The following YIPF5 variants were observed in gnomAD, a reference collection of about 807,000 sequenced individuals.
The protein encoded by YIPF5 is Yip1 domain family member 5, also known as protein YIPF5.
Under a neutral mutation model 30.4 loss-of-function variants are expected in YIPF5, and 8 were observed. That is an observed-to-expected ratio of 0.26 (90% CI 0.15 to 0.47). The LOEUF is 0.47. YIPF5 is among the 20% of genes least tolerant of loss of function. YIPF5 has a pLI of 0.99. For synonymous variants in YIPF5, 104 were observed against 107.9 expected, an observed-to-expected ratio of 0.96 and a Z score of 0.23; for missense variants, 282 against 301.8, an observed-to-expected ratio of 0.93 and a Z score of 0.49.
chr5:144,160,146 C>T lies in YIPF5; in HGVS notation c.*251G>A, dbSNP rs1477124561. On this transcript the variant is annotated 3_prime_UTR_variant, in exon 6 of 6. Coordinates refer to ENST00000274496, the MANE Select transcript of YIPF5 (RefSeq NM_030799.9). ...AAAGGTTTTTCAATGGCTGCAGGAA[C>T]CAGAAAGAAATAGCATTTCTTATCT... 3 of 1,173,866 alleles carry T rather than the reference C, an allele frequency of 2.6e-6. No individual in the cohort carries two copies. Among genetic ancestry groups the T allele is most frequent in the Admixed American group, 4.5e-5 (1 of 22,324 alleles). 72.7% of individuals were successfully genotyped at this position (1,173,866 alleles called of 1,614,324 possible).
At position 144,160,475 on chromosome 5, in the gene YIPF5, G is replaced by A. The variant is rs1752002393; in HGVS notation, c.696C>T (p.Ala232=). 2 of 1,613,980 alleles carry A rather than the reference G, an allele frequency of 1.2e-6. No individual in the cohort carries two copies. Among genetic ancestry groups the A allele is most frequent in the Admixed American group, 1.7e-5 (1 of 60,014 alleles). ...SASKIFISAL[A]MEGQQLLVAY... ...CTACTAAAAGTTGCTGTCCTTCCAT[G>A]GCTAATGCAGAAATAAATATTTTGG... Residue 232 remains alanine (A), a synonymous_variant, in exon 6 of 6, where the codon GCC becomes GCT. Transcript: ENST00000274496.
Position 144,162,348 on chromosome 5 carries a change from G to C in YIPF5, c.481C>G (p.Leu161Val), listed in dbSNP as rs1391145914. The C allele has an allele frequency of 6.2e-7, 1 of 1,613,994 alleles. No individual in the cohort carries two copies. The highest frequency in any genetic ancestry group is 8.5e-7 in the Non-Finnish European group (1 of 1,179,954). ...AAGTTTAATAAACAAAACATTCCTA[G>C]ACATCCAATTGCACTGATCCCGTAT... Reference protein sequence around the residue: ...YVYGISAIGCLGMFCLLNLMS... With the variant: ...YVYGISAIGCVGMFCLLNLMS... Residue 161 changes from leucine to valine, a missense_variant, in exon 5 of 6, where the codon CTA becomes GTA. Physicochemically the swap from Leu to Val is conservative, Grantham distance 32. Coordinates refer to ENST00000274496, the MANE Select transcript of YIPF5 (RefSeq NM_030799.9).
rs917334705 is a variant in YIPF5 at position 144,169,303 on chromosome 5, A to G, written c.110+543T>C. 3.3e-5 allele frequency among the ~76,000 whole-genome samples: 5 copies of G among 152,228 alleles called. No homozygotes were observed. The South Asian group carries it at 6.2e-4, about 19-fold the overall frequency. The stretch of plus-strand genomic sequence containing the variant: ...AGTCAACCTCCTCAGTATGCAACTT[A>G]TAACACGTGTGGCACTGACCATAAG... On this transcript the variant is annotated intron_variant, in intron 2 of 5. Coordinates refer to ENST00000274496, the MANE Select transcript of YIPF5 (RefSeq NM_030799.9).
In YIPF5 at chr5:144,159,311, T is replaced by G. The variant is rs1000501102; in HGVS notation, c.*1086A>C. ...TTTTAATAAGCATTCAAATGTACTTTACATTGATAATTGCAATATTGAATT... is the reference window on the plus strand; with the variant it reads ...TTTTAATAAGCATTCAAATGTACTTGACATTGATAATTGCAATATTGAATT... On this transcript the variant is annotated 3_prime_UTR_variant, in exon 6 of 6. Transcript: ENST00000274496. 1.0e-6 allele frequency: 1 copy of G among 973,802 alleles called. No homozygotes were observed. Among genetic ancestry groups the G allele is most frequent in the Non-Finnish European group, 1.2e-6 (1 of 819,486 alleles). 60.3% of individuals were successfully genotyped at this position (973,802 alleles called of 1,614,324 possible). A position where few individuals can be genotyped will look rare whatever the true frequency, so the allele number is the denominator to read the frequency against.
chr5:144,161,502 A>T (rs1752045175), intron 5 of YIPF5, among the ~76,000 whole-genome samples: 2 of 151,724 alleles, frequency 1.3e-5, no homozygotes, highest in Admixed American at 1.3e-4. Flanking sequence ...ATGTGCTACC[A>T]TGCCCGGCTA....
In YIPF5 at chr5:144,158,740, A is replaced by C; in HGVS notation, c.*1657T>G. Reference sequence around the variant, plus strand: ...TTTGGTAAGTTTGAAAACCTAGCCCAAAACAAATTAATGACAAGTGGGTTT... The same window carrying C: ...TTTGGTAAGTTTGAAAACCTAGCCCCAAACAAATTAATGACAAGTGGGTTT... On this transcript the variant is annotated 3_prime_UTR_variant, in exon 6 of 6. Coordinates refer to ENST00000274496, the MANE Select transcript of YIPF5 (RefSeq NM_030799.9). 2 of 1,002,270 alleles carry C rather than the reference A, an allele frequency of 2.0e-6. No homozygotes were observed. Among genetic ancestry groups the C allele is most frequent in the Non-Finnish European group, 2.4e-6 (2 of 841,478 alleles). The allele number at this position is 1,002,270 out of a possible 1,614,324, so 62.1% of individuals were successfully genotyped here.
In YIPF5 at chr5:144,169,835, T is replaced by C; in HGVS notation, c.110+11A>G. On this transcript the variant is annotated intron_variant, in intron 2 of 5. Coordinates refer to ENST00000274496, the MANE Select transcript of YIPF5 (RefSeq NM_030799.9). ...TGTAGACTAAATTAATTGCCAAAGA[T>C]GAAAAGTTACTTGCTATAGGGTCCT... is the stretch of plus-strand genomic sequence containing the variant. 1 of 1,608,256 alleles carries C rather than the reference T, an allele frequency of 6.2e-7. No individual in the cohort carries two copies. The highest frequency in any genetic ancestry group is 8.5e-7 in the Non-Finnish European group (1 of 1,175,268).
intron 5 of YIPF5, among the ~76,000 whole-genome samples, chr5:144,161,087 T>C (rs564942121): frequency 1.3e-5 from 2 of 152,250 alleles, no homozygotes; most frequent in African/African-American, 4.8e-5. Context: ...ACACTGAAAA[T>C]ATGAAATATT....
Position 144,160,315 on chromosome 5 carries a change from C to A in YIPF5, c.*82G>T, listed in dbSNP as rs1751997742. The A allele has an allele frequency of 1.3e-6, 2 of 1,535,722 alleles. No individual in the cohort carries two copies. The highest frequency in any genetic ancestry group is 2.0e-5 in the Admixed American group (1 of 48,962). Reference sequence around the variant, plus strand: ...GTAAATCTGCATGAGAGTTGCGCTGCAGCAGTTTGCTGGTCCAATTTAAGA... The same window carrying A: ...GTAAATCTGCATGAGAGTTGCGCTGAAGCAGTTTGCTGGTCCAATTTAAGA... On this transcript the variant is annotated 3_prime_UTR_variant, in exon 6 of 6. Transcript: ENST00000274496.
Position 144,158,723 on chromosome 5 carries a change from G to A in YIPF5, c.*1674C>T. On this transcript the variant is annotated 3_prime_UTR_variant, in exon 6 of 6. Coordinates refer to ENST00000274496, the MANE Select transcript of YIPF5 (RefSeq NM_030799.9). The stretch of plus-strand genomic sequence containing the variant: ...TTGCTTTTTTAAAGCAATTTGGTAA[G>A]TTTGAAAACCTAGCCCAAAACAAAT... 1 of 1,012,868 alleles carries A rather than the reference G, an allele frequency of 9.9e-7. No individual in the cohort carries two copies. The highest frequency in any genetic ancestry group is 3.9e-5 in the South Asian group (1 of 25,404). 62.7% of individuals were successfully genotyped at this position (1,012,868 alleles called of 1,614,324 possible). A position where few individuals can be genotyped will look rare whatever the true frequency, so the allele number is the denominator to read the frequency against.
chr5:144,167,319 T>TA (rs1752229564), intron 2 of YIPF5, among the ~76,000 whole-genome samples: 1 of 152,150 alleles, frequency 6.6e-6, no homozygotes, highest in Non-Finnish European at 1.5e-5. Flanking sequence ...TAAAACATGG[T>TA]ATGGCAGACA....
intron 5 of YIPF5, among the ~76,000 whole-genome samples, chr5:144,161,674 T>G (rs1045903548): frequency 6.6e-6 from 1 of 152,132 alleles, no homozygotes; most frequent in African/African-American, 2.4e-5. Context: ...TAACCTAAAA[T>G]ATCATTTAAA....
Position 144,159,171 on chromosome 5 carries a change from T to C in YIPF5, c.*1226A>G. On this transcript the variant is annotated 3_prime_UTR_variant, in exon 6 of 6. Coordinates refer to ENST00000274496, the MANE Select transcript of YIPF5 (RefSeq NM_030799.9). Reference sequence around the variant, plus strand: ...GTCTGATTCTATATTAGCTGATTTCTATTCTTAAAGCTTAAATTAGGGGTC... The same window carrying C: ...GTCTGATTCTATATTAGCTGATTTCCATTCTTAAAGCTTAAATTAGGGGTC... 2 of 985,234 alleles carry C rather than the reference T, an allele frequency of 2.0e-6. No homozygotes were observed. Among genetic ancestry groups the C allele is most frequent in the Non-Finnish European group, 2.4e-6 (2 of 829,724 alleles). The allele number at this position is 985,234 out of a possible 1,614,324, so 61.0% of individuals were successfully genotyped here.
intron 5 of YIPF5, among the ~76,000 whole-genome samples, chr5:144,161,631 C>G (rs1752049829): frequency 6.6e-6 from 1 of 152,182 alleles, no homozygotes; most frequent in African/African-American, 2.4e-5. Context: ...CAGGCGTGAG[C>G]AACCGTGCCT....
chr5:144,170,235 G>T (rs1217910917), intron 1 of YIPF5: 3 of 428,192 alleles, frequency 7.0e-6, no homozygotes, highest in South Asian at 2.5e-5. Flanking sequence ...GGGAGTTGTG[G>T]TTCCATAAGC....
chr5:144,164,353 T>C (rs1752138846), intron 3 of YIPF5, 97 bp from the exon 4 acceptor site: 1 of 1,079,204 alleles, frequency 9.3e-7, no homozygotes, highest in Non-Finnish European at 1.3e-6. Context: ...TGACATAGCA[T>C]CAAAAAAGGA....
At position 144,160,225 on chromosome 5, in the gene YIPF5, A is replaced by G; in HGVS notation, c.*172T>C. The G allele has an allele frequency of 2.8e-6, 4 of 1,424,974 alleles. No homozygotes were observed. Among genetic ancestry groups the G allele is most frequent in the Non-Finnish European group, 3.7e-6 (4 of 1,091,080 alleles). The allele number at this position is 1,424,974 out of a possible 1,614,324, so 88.3% of individuals were successfully genotyped here. ...ACACCGCAGGTAAATCCAATATAGT[A>G]TGCAAAAGTTCTATAAAAATGAACA... On this transcript the variant is annotated 3_prime_UTR_variant, in exon 6 of 6. Coordinates refer to ENST00000274496, the MANE Select transcript of YIPF5 (RefSeq NM_030799.9).
chr5:144,165,663 C>A, intron 2 of YIPF5, 59 bp from the exon 3 acceptor site: 7 of 1,496,850 alleles, frequency 4.7e-6, no homozygotes, highest in Admixed American at 1.9e-5. Context: ...CAGTTAATAT[C>A]CCTTAAATTC....
intron 2 of YIPF5, 124 bp from the exon 3 acceptor site, chr5:144,165,728 A>G (rs143539362): frequency 2.2e-6 from 2 of 918,800 alleles, no homozygotes; most frequent in East Asian, 5.3e-5. Context: ...CTCAGGTACA[A>G]ACTTTGCCAA....
Sources: gnomAD v4.1 joint callset for allele counts (sites outside exome capture counted in the v4.1 genomes callset) on GRCh38, gnomAD v4.1.1 for gene constraint, MANE v1.5 for transcripts, NCBI Gene and HGNC (gene_info 2026-07-23, HGNC 2026-07-21) for gene names.